Variants in NELL1 observed in about 807,000 individuals in gnomAD.
The protein encoded by NELL1 is neural EGFL like 1.
Under a neutral mutation model 107.4 loss-of-function variants are expected in NELL1, and 76 were observed. That is an observed-to-expected ratio of 0.71 (90% CI 0.59 to 0.86). The LOEUF is 0.86. NELL1 is among the 40% of genes least tolerant of loss of function. The pLI, the probability that NELL1 is intolerant of heterozygous loss-of-function variation, is 0.00. For missense variants in NELL1, 1,024 were observed against 1,005.5 expected, an observed-to-expected ratio of 1.02 and a Z score of -0.25; for synonymous variants, 353 against 341.2, an observed-to-expected ratio of 1.03 and a Z score of -0.38.
chr11:21,418,978 T>A (rs1456125145), intron 15 of NELL1, among the ~76,000 whole-genome samples: 1 of 152,048 alleles, frequency 6.6e-6, no homozygotes, highest in Non-Finnish European at 1.5e-5. Flanking sequence ...TAGCCTAAAA[T>A]TATCGATGCA....
At chr11:21,211,776 A>G (rs879390051) in intron 13 of NELL1, among the ~76,000 whole-genome samples, 1 of 152,096 alleles carries the variant, frequency 6.6e-6, no homozygotes, top group African/African-American at 2.4e-5. Context: ...AGGAGGTATC[A>G]AGAATGAATA....
chr11:20,855,384 A>C (rs1004303116), intron 4 of NELL1, among the ~76,000 whole-genome samples: 2 of 152,168 alleles, frequency 1.3e-5, no homozygotes, highest in Non-Finnish European at 2.9e-5. Flanking sequence ...CCTTTATCTG[A>C]TGGTTTGTTG....
At chr11:21,213,727 C>T (rs1165439661) in intron 13 of NELL1, among the ~76,000 whole-genome samples, 1 of 152,164 alleles carries the variant, frequency 6.6e-6, no homozygotes, top group Admixed American at 6.6e-5. Context: ...GTTATTAACA[C>T]AATTCAATGG....
At chr11:21,490,720 A>G (rs1402861181) in intron 15 of NELL1, among the ~76,000 whole-genome samples, 3 of 152,146 alleles carry the variant, frequency 2.0e-5, no homozygotes, top group Non-Finnish European at 2.9e-5. Flanking sequence ...TCCTCAATAA[A>G]TGGTGCTGGG....
chr11:20,800,467 A>T (rs1403474511), intron 3 of NELL1, among the ~76,000 whole-genome samples: 1 of 151,738 alleles, frequency 6.6e-6, no homozygotes, highest in African/African-American at 2.4e-5. Context: ...GACTTTTAAT[A>T]TATATTTGTT....
At chr11:21,195,370 C>T (rs1432590901) in intron 13 of NELL1, among the ~76,000 whole-genome samples, 1 of 152,032 alleles carries the variant, frequency 6.6e-6, no homozygotes, top group African/African-American at 2.4e-5. Context: ...CTGGGGCAAC[C>T]ACTATCAGAA....
intron 4 of NELL1, among the ~76,000 whole-genome samples, chr11:20,853,807 GTTTGTC>G (rs967655740): frequency 7.9e-5 from 12 of 152,158 alleles, no homozygotes; most frequent in African/African-American, 2.2e-4. Context: ...TTTGCCAGTA[GTTTGTC>G]TTTGAGTTCT....
At chr11:21,035,537 C>T (rs148602959) in intron 12 of NELL1, among the ~76,000 whole-genome samples, 1 of 151,112 alleles carries the variant, frequency 6.6e-6, no homozygotes, top group African/African-American at 2.4e-5. Flanking sequence ...TTATTCACCA[C>T]GATCAAGTAG....
intron 1 of NELL1, among the ~76,000 whole-genome samples, chr11:20,676,526 G>A (rs1854061304): frequency 6.6e-6 from 1 of 151,388 alleles, no homozygotes; most frequent in Non-Finnish European, 1.5e-5. Flanking sequence ...ACAAGGGGAA[G>A]TCTGATAGAA....
intron 4 of NELL1, among the ~76,000 whole-genome samples, chr11:20,883,688 A>G (rs1849450938): frequency 1.3e-5 from 2 of 152,322 alleles, no homozygotes; most frequent in Non-Finnish European, 2.9e-5. Context: ...GGCATAAATA[A>G]TTTTGCATTC....
In NELL1 at chr11:21,255,310, T is replaced by C. The variant is rs551219861; in HGVS notation, c.1549+25856T>C. ...AAATTTCTGTTTCCCAGGAAAGTAA[T>C]TGTGTTGTTCTTTTAGTGATGGAAA... is the stretch of plus-strand genomic sequence containing the variant. On this transcript the variant is annotated intron_variant, in intron 14 of 19. Coordinates refer to ENST00000357134, the MANE Select transcript of NELL1 (RefSeq NM_006157.5). Among the ~76,000 whole-genome samples, 49 of 152,204 alleles carry C rather than the reference T, an allele frequency of 3.2e-4. 1 individual carries two copies. The South Asian group carries it at 9.5e-3, about 30-fold the overall frequency.
At chr11:21,150,102 G>A (rs779350895) in intron 13 of NELL1, among the ~76,000 whole-genome samples, 5 of 152,080 alleles carry the variant, frequency 3.3e-5, no homozygotes, top group Non-Finnish European at 7.4e-5. Context: ...TGTGGCAGTG[G>A]GAATGAGTTT....
intron 2 of NELL1, among the ~76,000 whole-genome samples, chr11:20,701,402 G>T (rs1854783430): frequency 6.6e-6 from 1 of 152,156 alleles, no homozygotes; most frequent in South Asian, 2.1e-4. Context: ...GTAGATTCTG[G>T]ATATTAGCCC....
At chr11:21,529,063 G>A (rs374183570) in intron 15 of NELL1, among the ~76,000 whole-genome samples, 97 of 152,184 alleles carry the variant, frequency 6.4e-4, no homozygotes, top group African/African-American at 1.2e-3. Context: ...AAGCAGTAAT[G>A]GCTCAATAAA....
chr11:21,085,237 G>A (rs1371793372), intron 12 of NELL1, among the ~76,000 whole-genome samples: 5 of 152,148 alleles, frequency 3.3e-5, no homozygotes, highest in African/African-American at 9.7e-5. Flanking sequence ...GGAAGAAATA[G>A]GTGACAAATA....
At chr11:21,301,897 T>G (rs1192806850) in intron 14 of NELL1, among the ~76,000 whole-genome samples, 4 of 152,020 alleles carry the variant, frequency 2.6e-5, no homozygotes. Context: ...CTCACAGCAA[T>G]TCTGTAAGGC....
At chr11:21,353,155 C>T (rs1850855275) in intron 14 of NELL1, among the ~76,000 whole-genome samples, 1 of 152,062 alleles carries the variant, frequency 6.6e-6, no homozygotes, top group Non-Finnish European at 1.5e-5. Flanking sequence ...TTGCTTGATC[C>T]CTTCATGGCC....
intron 6 of NELL1, 81 bp from the exon 7 acceptor site, chr11:20,919,171 G>T: frequency 1.3e-6 from 1 of 789,496 alleles, no homozygotes; most frequent in Non-Finnish European, 2.0e-6. Context: ...CTTCTACATA[G>T]TCACGTATCT....
chr11:21,263,906 GA>G (rs530239706), intron 14 of NELL1, among the ~76,000 whole-genome samples: 1 of 151,716 alleles, frequency 6.6e-6, no homozygotes, highest in African/African-American at 2.4e-5. Context: ...TTAAAAAATG[GA>G]AAAAAAGCTC....
Sources: gnomAD v4.1 joint callset for allele counts (sites outside exome capture counted in the v4.1 genomes callset) on GRCh38, gnomAD v4.1.1 for gene constraint, MANE v1.5 for transcripts, NCBI Gene and HGNC (gene_info 2026-07-23, HGNC 2026-07-21) for gene names.